EHD4: variants seen among roughly 807,000 people sequenced by gnomAD.
EHD4 encodes EH domain-containing protein 4.
In EHD4, 37 loss-of-function variants were observed where a neutral mutation model predicts 51.0. The observed-to-expected ratio is 0.73, with a 90% CI of 0.56 to 0.95. The LOEUF (loss-of-function observed/expected upper bound fraction) is 0.95, where lower values mean the gene tolerates loss of function less well. EHD4 is among the 40% of genes least tolerant of loss of function. EHD4 has a pLI of 0.00. For synonymous variants in EHD4, 297 were observed against 317.3 expected (o/e 0.94, Z 0.68); for missense variants, 632 against 733.1 (o/e 0.86, Z 1.59).
At chr15:41,912,344 G>A (rs2067556002) in intron 4 of EHD4, among the ~76,000 whole-genome samples, 1 of 152,134 alleles carries the variant, frequency 6.6e-6, no homozygotes. Context: ...TGCCCTTCCT[G>A]GTGCGCCCTA....
intron 1 of EHD4, among the ~76,000 whole-genome samples, chr15:41,962,820 CATG>C (rs1384334575): frequency 6.6e-6 from 1 of 152,052 alleles, no homozygotes; most frequent in African/African-American, 2.4e-5. Context: ...GAGAACGGGC[CATG>C]ATGAGGATGG....
chr15:41,964,283 A>T (rs1301694901), intron 1 of EHD4, among the ~76,000 whole-genome samples: 1 of 152,210 alleles, frequency 6.6e-6, no homozygotes, highest in Non-Finnish European at 1.5e-5. Context: ...CACTAGTAAG[A>T]AATAAACAAA....
chr15:41,963,341 G>C (rs1298453791), intron 1 of EHD4, among the ~76,000 whole-genome samples: 12 of 150,612 alleles, frequency 8.0e-5, no homozygotes, highest in Non-Finnish European at 1.6e-4. Flanking sequence ...GCTCACGCCT[G>C]TAATCCCAGC....
chr15:41,923,978 C>T (rs2067644583), intron 3 of EHD4, among the ~76,000 whole-genome samples: 1 of 152,228 alleles, frequency 6.6e-6, no homozygotes, highest in African/African-American at 2.4e-5. Context: ...TCTGGGCCAA[C>T]TTTGATTAAG....
chr15:41,920,106 C>T (rs1199235665), intron 3 of EHD4, among the ~76,000 whole-genome samples: 2 of 152,206 alleles, frequency 1.3e-5, no homozygotes, highest in African/African-American at 2.4e-5. Context: ...GAAGAGGCAT[C>T]GCCTTCAATT....
intron 1 of EHD4, among the ~76,000 whole-genome samples, chr15:41,955,016 T>G (rs1007372541): frequency 3.9e-5 from 6 of 152,212 alleles, no homozygotes; most frequent in African/African-American, 1.4e-4. Flanking sequence ...CATCCAAAGT[T>G]TCTACGTTTC....
chr15:41,911,084 T>G lies in EHD4; in HGVS notation c.925-1221A>C, dbSNP rs985944527. ...ATTCCATAGCTCAGCTGAGGGCCCG[T>G]GTGTGGACACATGCTGGACACAGCC... is the stretch of plus-strand genomic sequence containing the variant. On this transcript the variant is annotated intron_variant, in intron 4 of 5. Coordinates refer to ENST00000220325, the MANE Select transcript of EHD4 (RefSeq NM_139265.4). Among the ~76,000 whole-genome samples, 6 of 152,214 alleles carry G rather than the reference T, an allele frequency of 3.9e-5. No individual in the cohort carries two copies. In the South Asian group the frequency reaches 1.2e-3, roughly 32 times the overall value.
chr15:41,952,196 C>T (rs1051024016), intron 2 of EHD4, among the ~76,000 whole-genome samples: 8 of 152,180 alleles, frequency 5.3e-5, no homozygotes, highest in Non-Finnish European at 1.2e-4. Context: ...TGAATGGTGC[C>T]CCTGGAGCTG....
chr15:41,949,735 T>C (rs2067840554), intron 2 of EHD4, among the ~76,000 whole-genome samples: 10 of 152,128 alleles, frequency 6.6e-5, no homozygotes. Flanking sequence ...AAAATAATAC[T>C]AGATCCTAGA....
chr15:41,948,027 C>T (rs148590584), intron 2 of EHD4, among the ~76,000 whole-genome samples: 3,740 of 152,176 alleles, frequency 0.025, 153 homozygotes, highest in African/African-American at 0.085. Flanking sequence ...GAGGCCAAGG[C>T]AGGTGGATCA....
intron 3 of EHD4, among the ~76,000 whole-genome samples, chr15:41,934,894 T>C (rs1160221912): frequency 1.3e-5 from 2 of 152,140 alleles, no homozygotes. Context: ...ACCCGGACAT[T>C]CCTAATAATT....
At chr15:41,948,287 A>T (rs1345395804) in intron 2 of EHD4, among the ~76,000 whole-genome samples, 1 of 151,674 alleles carries the variant, frequency 6.6e-6, no homozygotes, top group Non-Finnish European at 1.5e-5. Context: ...GTGACCAGGG[A>T]ACTACCACCC....
rs745921100 is a variant in EHD4 at position 41,900,962 on chromosome 15, C to T, written c.1309G>A (p.Ala437Thr). 3.5e-5 allele frequency: 57 copies of T among 1,612,288 alleles called. No homozygotes were observed. The highest frequency in any genetic ancestry group is 5.3e-5 in the African/African-American group (4 of 74,904). ...GCCACGACCCACTCCTCCTCGTCGG[C>T]GCCCTCCTTGGCACCCTCCCCGTAG... is the stretch of plus-strand genomic sequence containing the variant. ...QGYGEGAKEG[A>T]DEEEWVVAKD... is the part of the protein sequence containing the mutation. Residue 437 changes from alanine (A) to threonine (T), a missense_variant, in exon 6 of 6, where the codon GCC (alanine) becomes ACC (threonine). Coordinates refer to ENST00000220325, the MANE Select transcript of EHD4 (RefSeq NM_139265.4). This position sits in a 1 kb window ranked among gnomAD's most constrained non-coding sequence, Gnocchi z 4.8.
rs573304900 is a variant in EHD4 at position 41,898,286 on chromosome 15, C to T, written c.*2359G>A. ...TTTTCCTCCACGGAGAAATCAGAGACCTCAACCTGCTGCCCTCTAAAGCAG... is the reference window on the plus strand; with the variant it reads ...TTTTCCTCCACGGAGAAATCAGAGATCTCAACCTGCTGCCCTCTAAAGCAG... On this transcript the variant is annotated 3_prime_UTR_variant, in exon 6 of 6. Coordinates refer to ENST00000220325, the MANE Select transcript of EHD4 (RefSeq NM_139265.4). The T allele has an allele frequency of 5.9e-5, 9 of 152,316 alleles. No individual in the cohort carries two copies. Among genetic ancestry groups the T allele is most frequent in the African/African-American group, 2.2e-4 (9 of 41,548 alleles). 9.4% of individuals were successfully genotyped at this position (152,316 alleles called of 1,614,324 possible). A position where few individuals can be genotyped will look rare whatever the true frequency, so the allele number is the denominator to read the frequency against.
chr15:41,940,938 A>C (rs187779759), intron 3 of EHD4, among the ~76,000 whole-genome samples: 2 of 152,188 alleles, frequency 1.3e-5, no homozygotes, highest in African/African-American at 4.8e-5. Flanking sequence ...TAAAATTTAG[A>C]GGTAAAAAGA....
intron 3 of EHD4, among the ~76,000 whole-genome samples, chr15:41,930,035 C>A (rs1897277153): frequency 6.6e-6 from 1 of 152,114 alleles, no homozygotes; most frequent in African/African-American, 2.4e-5. Context: ...AGCATTTGGG[C>A]CAATTTGAAG....
intron 1 of EHD4, among the ~76,000 whole-genome samples, chr15:41,961,296 G>T: frequency 6.6e-6 from 1 of 152,186 alleles, no homozygotes; most frequent in East Asian, 1.9e-4. Context: ...TTGGGAGGAG[G>T]GTGAAAGAAA....
chr15:41,926,326 G>T (rs2067661024), intron 3 of EHD4, among the ~76,000 whole-genome samples: 3 of 152,224 alleles, frequency 2.0e-5, no homozygotes, highest in African/African-American at 7.2e-5. Context: ...CTTGCCCGTG[G>T]TGGTGACGGA....
At chr15:41,906,249 G>C (rs2067511357) in intron 5 of EHD4, among the ~76,000 whole-genome samples, 1 of 151,980 alleles carries the variant, frequency 6.6e-6, no homozygotes, top group African/African-American at 2.4e-5. Context: ...ACACTGTTAT[G>C]TCCACCTTTG....
Sources: allele counts gnomAD v4.1 joint callset (sites outside exome capture counted in the v4.1 genomes callset), GRCh38; gene constraint gnomAD v4.1.1; non-coding constraint Gnocchi (gnomAD v3.1); transcripts MANE v1.5; gene names NCBI Gene and HGNC (gene_info 2026-07-23, HGNC 2026-07-21).